The following SEL1L3 variants were observed in gnomAD, a reference collection of about 807,000 sequenced individuals.
The protein encoded by SEL1L3 is protein sel-1 homolog 3.
SEL1L3 carries 76 observed loss-of-function variants against 142.8 expected under a neutral mutation model. The observed-to-expected ratio is 0.53, with a 90% CI of 0.44 to 0.64. The LOEUF (loss-of-function observed/expected upper bound fraction) is 0.64, where lower values mean the gene tolerates loss of function less well. SEL1L3 is among the 30% of genes least tolerant of loss of function. SEL1L3 has a pLI of 0.00. For synonymous variants in SEL1L3, 504 were observed against 519.6 expected, an observed-to-expected ratio of 0.97 and a Z score of 0.41; for missense variants, 1,262 against 1,381.7, an observed-to-expected ratio of 0.91 and a Z score of 1.37.
chr4:25,825,924 G>A (rs1293576892), intron 6 of SEL1L3, among the ~76,000 whole-genome samples: 4 of 151,518 alleles, frequency 2.6e-5, no homozygotes, highest in African/African-American at 7.3e-5. Context: ...CGCCTGCTTC[G>A]GCCTCCCAAA....
the SEL1L3 span, among the ~76,000 whole-genome samples, chr4:25,740,355 C>T: frequency 6.6e-6 from 1 of 151,652 alleles, no homozygotes; most frequent in South Asian, 2.1e-4. Context: ...ATCACTTGAA[C>T]CCAGGAGGCA....
chr4:25,839,063 G>T (rs530903069), intron 2 of SEL1L3, among the ~76,000 whole-genome samples: 1 of 152,170 alleles, frequency 6.6e-6, no homozygotes, highest in Non-Finnish European at 1.5e-5. Flanking sequence ...CAAAATCTGC[G>T]GGGAAAGAAG....
intron 7 of SEL1L3, 42 bp downstream of exon 7, chr4:25,821,954 T>C (rs760148284): frequency 8.8e-6 from 14 of 1,597,842 alleles, no homozygotes; most frequent in Non-Finnish European, 1.2e-5. Context: ...CCCACACCCA[T>C]CACCCAGGAG....
At chr4:25,728,450 C>A in the SEL1L3 span, among the ~76,000 whole-genome samples, 1 of 152,092 alleles carries the variant, frequency 6.6e-6, no homozygotes, top group Non-Finnish European at 1.5e-5. Context: ...CTTTCTGTCT[C>A]CCACTGTTCC....
chr4:25,854,326 C>G (rs1717099323), intron 1 of SEL1L3, among the ~76,000 whole-genome samples: 1 of 152,152 alleles, frequency 6.6e-6, no homozygotes, highest in South Asian at 2.1e-4. Flanking sequence ...CGCCCAGGCT[C>G]AAGTGCAGTG....
At chr4:25,718,431 T>C in the SEL1L3 span, 1 of 152,174 alleles carries the variant, frequency 6.6e-6, no homozygotes. Flanking sequence ...ATATGGTTCA[T>C]CTATGGACTC....
chr4:25,778,525 T>C (rs6853739), intron 16 of SEL1L3, among the ~76,000 whole-genome samples: 104,316 of 152,080 alleles, frequency 0.69, 37,097 homozygotes, highest in African/African-American at 0.88. Context: ...TACTACATGG[T>C]TCAGTTAGAA....
chr4:25,730,626 C>T, the SEL1L3 span, among the ~76,000 whole-genome samples: 6 of 152,114 alleles, frequency 3.9e-5, no homozygotes, highest in Non-Finnish European at 8.8e-5. Context: ...CTAACATCTG[C>T]GCTCAATAAA....
the SEL1L3 span, chr4:25,721,032 T>C: frequency 1.1e-3 from 171 of 152,250 alleles, no homozygotes; most frequent in African/African-American, 4.0e-3. Context: ...TCTGAGATAA[T>C]GAATAGAATT....
At chr4:25,800,515 A>G (rs1713101197) in intron 11 of SEL1L3, among the ~76,000 whole-genome samples, 1 of 152,240 alleles carries the variant, frequency 6.6e-6, no homozygotes, top group South Asian at 2.1e-4. Context: ...TGTTAGCAAC[A>G]TATCATTTCC....
chr4:25,756,383 T>G, intron 23 of SEL1L3: 1 of 985,406 alleles, frequency 1.0e-6, no homozygotes, highest in Non-Finnish European at 1.2e-6. Flanking sequence ...GAGGAGTAAA[T>G]GTAAGAGCTA....
chr4:25,823,993 C>T (rs1352187199), intron 6 of SEL1L3, among the ~76,000 whole-genome samples: 1 of 152,136 alleles, frequency 6.6e-6, no homozygotes, highest in Non-Finnish European at 1.5e-5. Context: ...GCAGCAACAT[C>T]GAACGTCTAG....
chr4:25,770,739 C>CAAAAAAAAAAAAAAA (rs57317400), intron 17 of SEL1L3, among the ~76,000 whole-genome samples: 5 of 97,344 alleles, frequency 5.1e-5, no homozygotes, highest in Non-Finnish European at 1.0e-4. Context: ...GACTCTGTCT[C>CAAAAAAAAAAAAAAA]AAAAAAAAAA....
At chr4:25,844,224 C>T (rs1716364347) in intron 2 of SEL1L3, among the ~76,000 whole-genome samples, 1 of 152,224 alleles carries the variant, frequency 6.6e-6, no homozygotes, top group African/African-American at 2.4e-5. Context: ...GCTTGGCCCC[C>T]TTCTATCCCC....
intron 16 of SEL1L3, chr4:25,777,605 T>C (rs556770025): frequency 5.2e-5 from 17 of 325,582 alleles, no homozygotes; most frequent in South Asian, 4.3e-4. Context: ...AAGCACACTT[T>C]GACAAATTTC....
chr4:25,715,106 T>G, the SEL1L3 span, among the ~76,000 whole-genome samples: 1 of 152,156 alleles, frequency 6.6e-6, no homozygotes, highest in Non-Finnish European at 1.5e-5. Context: ...TAGAAACAGA[T>G]AGATCACAGA....
chr4:25,765,545 T>C (rs1219416875), intron 19 of SEL1L3, 110 bp from the exon 20 acceptor site: 19 of 694,856 alleles, frequency 2.7e-5, no homozygotes, highest in Admixed American at 7.0e-5. Context: ...AGTATCTGAA[T>C]ACAGAACATC....
chr4:25,745,953 C>T (rs1353505511), downstream of SEL1L3, among the ~76,000 whole-genome samples: 1 of 152,210 alleles, frequency 6.6e-6, no homozygotes, highest in African/African-American at 2.4e-5. Flanking sequence ...TCTGGCCCCT[C>T]AGACTGCTCT....
chr4:25,807,917 T>G (rs543567422), intron 9 of SEL1L3, among the ~76,000 whole-genome samples: 2 of 151,668 alleles, frequency 1.3e-5, no homozygotes, highest in African/African-American at 4.9e-5. Context: ...AATTCAAAAC[T>G]CCCCCCAAAA....
Sources: gnomAD v4.1 joint callset for allele counts (sites outside exome capture counted in the v4.1 genomes callset) on GRCh38, gnomAD v4.1.1 for gene constraint, MANE v1.5 for transcripts, NCBI Gene and HGNC (gene_info 2026-07-23, HGNC 2026-07-21) for gene names.